VSTM4: variants seen among roughly 807,000 people sequenced by gnomAD.
VSTM4 encodes V-set and transmembrane domain-containing protein 4.
In VSTM4, 20 loss-of-function variants were observed where a neutral mutation model predicts 36.4. The ratio of observed to expected loss-of-function variants is 0.55; its 90% CI spans 0.39 to 0.80. The LOEUF (loss-of-function observed/expected upper bound fraction) is 0.80. VSTM4 is among the 30% of genes least tolerant of loss of function. VSTM4 has a pLI of 0.00. For synonymous variants in VSTM4, 182 were observed against 173.9 expected (o/e 1.05, Z -0.37); for missense variants, 392 against 404.5 (o/e 0.97, Z 0.26).
chr10:49,070,493 C>G (rs1395673830), intron 4 of VSTM4, among the ~76,000 whole-genome samples: 1 of 152,102 alleles, frequency 6.6e-6, no homozygotes, highest in African/African-American at 2.4e-5. Context: ...CTTGTCTGAG[C>G]AGCTGGGCTG....
intron 4 of VSTM4, among the ~76,000 whole-genome samples, chr10:49,073,722 G>T (rs1452963629): frequency 6.6e-6 from 1 of 152,188 alleles, no homozygotes; most frequent in Non-Finnish European, 1.5e-5. Flanking sequence ...ACCATTGATA[G>T]GCCATGGCAG....
chr10:49,065,522 T>C (rs938629627), intron 4 of VSTM4, among the ~76,000 whole-genome samples: 5 of 152,232 alleles, frequency 3.3e-5, no homozygotes, highest in Non-Finnish European at 4.4e-5. Flanking sequence ...AAAAGACACC[T>C]GTGCTATGGG....
chr10:49,057,314 C>G (rs970852104), intron 5 of VSTM4, among the ~76,000 whole-genome samples: 1 of 152,232 alleles, frequency 6.6e-6, no homozygotes, highest in African/African-American at 2.4e-5. Flanking sequence ...AGGAAACCAA[C>G]TGTGCCTTGC....
intron 2 of VSTM4, among the ~76,000 whole-genome samples, chr10:49,091,740 C>T (rs1424778663): frequency 1.3e-5 from 2 of 152,302 alleles, no homozygotes; most frequent in East Asian, 3.9e-4. Flanking sequence ...ACTGACCTTA[C>T]TCACCCACGG....
Position 49,091,354 on chromosome 10 carries a change from G to A in VSTM4, c.458-5331C>T, listed in dbSNP as rs572920747. Among the ~76,000 whole-genome samples the A allele has an allele frequency of 2.0e-5, 3 of 152,322 alleles. No individual in the cohort carries two copies. The South Asian group carries it at 6.2e-4, about 32-fold the overall frequency. On this transcript the variant is annotated intron_variant, in intron 2 of 7. Transcript: ENST00000332853. ...TGAAATCTAATAAGGGACAAGTTGT[G>A]AAATCCATCACGTCACTGCCCCTCT...
intron 1 of VSTM4, 146 bp downstream of exon 1, chr10:49,115,285 G>T: frequency 2.2e-6 from 1 of 457,794 alleles, no homozygotes; most frequent in Non-Finnish European, 2.9e-6. Flanking sequence ...GAGCCCACCG[G>T]AGCGCGCTGG....
At chr10:49,115,388 G>A (rs1844977113) in intron 1 of VSTM4, 43 bp downstream of exon 1, 2 of 998,988 alleles carry the variant, frequency 2.0e-6, no homozygotes, top group South Asian at 4.5e-5. Flanking sequence ...GCGGCCGCCC[G>A]GCCCCCACCC....
intron 2 of VSTM4, among the ~76,000 whole-genome samples, chr10:49,089,163 G>A (rs1372022714): frequency 1.3e-5 from 2 of 152,216 alleles, no homozygotes; most frequent in African/African-American, 2.4e-5. Context: ...TGGGGATGAT[G>A]AGAAATGCCC....
In VSTM4 at chr10:49,067,815, T is replaced by C. The variant is rs1332762559; in HGVS notation, c.635-3079A>G. ...TGGGCAGCTTGGCTCCAGAGCCCTCTTGTAACTATAGTCATCCCTCATATC... is the reference window on the plus strand; with the variant it reads ...TGGGCAGCTTGGCTCCAGAGCCCTCCTGTAACTATAGTCATCCCTCATATC... On this transcript the variant is annotated intron_variant, in intron 4 of 7. Coordinates refer to ENST00000332853, the MANE Select transcript of VSTM4 (RefSeq NM_001031746.5). Among the ~76,000 whole-genome samples the C allele has an allele frequency of 3.3e-5, 5 of 152,208 alleles. No individual in the cohort carries two copies. In the East Asian group the frequency reaches 9.6e-4, roughly 29 times the overall value.
intron 4 of VSTM4, among the ~76,000 whole-genome samples, chr10:49,065,862 T>C (rs561413106): frequency 6.6e-6 from 1 of 152,270 alleles, no homozygotes; most frequent in African/African-American, 2.4e-5. Context: ...AATGGAACTG[T>C]ACAGGTTTAT....
chr10:49,055,158 G>T (rs988109134), intron 5 of VSTM4, among the ~76,000 whole-genome samples: 4 of 152,186 alleles, frequency 2.6e-5, no homozygotes, highest in Admixed American at 6.5e-5. Flanking sequence ...CTTAGTGCAT[G>T]GAGCTAATGG....
intron 5 of VSTM4, among the ~76,000 whole-genome samples, chr10:49,050,560 G>A (rs898472126): frequency 2.0e-5 from 3 of 152,158 alleles, no homozygotes; most frequent in East Asian, 1.9e-4. Flanking sequence ...ATTCTAACTG[G>A]TCATAGCTTT....
At chr10:49,064,946 A>C (rs1221251688) in intron 4 of VSTM4, among the ~76,000 whole-genome samples, 4 of 152,184 alleles carry the variant, frequency 2.6e-5, no homozygotes, top group Non-Finnish European at 5.9e-5. Context: ...CCAGCCAGGG[A>C]TCTAGCCAGG....
At chr10:49,084,203 A>C (rs1474599767) in intron 3 of VSTM4, among the ~76,000 whole-genome samples, 1 of 152,240 alleles carries the variant, frequency 6.6e-6, no homozygotes, top group South Asian at 2.1e-4. Flanking sequence ...GCCAATGCCA[A>C]TGAGTAGGCA....
intron 7 of VSTM4, among the ~76,000 whole-genome samples, chr10:49,025,493 A>C (rs532090964): frequency 1.3e-5 from 2 of 152,182 alleles, no homozygotes; most frequent in East Asian, 1.9e-4. Flanking sequence ...CCCTGCCCCC[A>C]CACACACCTC....
intron 2 of VSTM4, among the ~76,000 whole-genome samples, chr10:49,092,595 G>A (rs1844495180): frequency 6.6e-6 from 1 of 152,208 alleles, no homozygotes; most frequent in East Asian, 1.9e-4. Flanking sequence ...ATGGAAAGGG[G>A]AAGGGGCGTG....
At chr10:49,109,768 C>T (rs1844858914) in intron 1 of VSTM4, among the ~76,000 whole-genome samples, 2 of 152,208 alleles carry the variant, frequency 1.3e-5, no homozygotes. Flanking sequence ...GGGCTGCAGA[C>T]TAATGTGTAG....
At chr10:49,069,308 C>T (rs1844031103) in intron 4 of VSTM4, among the ~76,000 whole-genome samples, 1 of 152,198 alleles carries the variant, frequency 6.6e-6, no homozygotes, top group South Asian at 2.1e-4. Context: ...TTGCACAGGC[C>T]CCGCAATAGG....
At chr10:49,029,139 C>T (rs1458975583) in intron 7 of VSTM4, among the ~76,000 whole-genome samples, 1 of 152,194 alleles carries the variant, frequency 6.6e-6, no homozygotes, top group Non-Finnish European at 1.5e-5. Context: ...CTCCATAGTA[C>T]CCAACTCAGG....
Sources: gnomAD v4.1 joint callset for allele counts (sites outside exome capture counted in the v4.1 genomes callset) on GRCh38, gnomAD v4.1.1 for gene constraint, MANE v1.5 for transcripts, NCBI Gene and HGNC (gene_info 2026-07-23, HGNC 2026-07-21) for gene names.